PRR16: variants seen among roughly 807,000 people sequenced by gnomAD.
PRR16 encodes proline rich 16, also known as protein Largen.
A neutral mutation model predicts 18.2 loss-of-function variants in PRR16; 6 were observed. The observed-to-expected ratio is 0.33, with a 90% CI of 0.18 to 0.65. PRR16 has a LOEUF of 0.65. PRR16 is among the 30% of genes least tolerant of loss of function. The pLI is 0.74. For missense variants in PRR16, 412 were observed against 376.6 expected (o/e 1.09, Z -0.78); for synonymous variants, 151 against 147.8 (o/e 1.02, Z -0.16).
the PRR16 span, among the ~76,000 whole-genome samples, chr5:120,726,263 G>T: frequency 6.6e-6 from 1 of 152,002 alleles, no homozygotes; most frequent in African/African-American, 2.4e-5. Flanking sequence ...GATTCAAACA[G>T]CAGTAGTAAT....
intron 1 of PRR16, among the ~76,000 whole-genome samples, chr5:120,659,960 G>T (rs1317573659): frequency 2.0e-5 from 3 of 152,002 alleles, no homozygotes; most frequent in Non-Finnish European, 4.4e-5. Context: ...CCAACCCAGA[G>T]CCCCAGTACT....
At chr5:120,716,754 C>T in the PRR16 span, among the ~76,000 whole-genome samples, 1 of 152,078 alleles carries the variant, frequency 6.6e-6, no homozygotes, top group Non-Finnish European at 1.5e-5. Flanking sequence ...CGCTTATAAT[C>T]CCAGCTACTC....
chr5:120,754,562 T>C, the PRR16 span, among the ~76,000 whole-genome samples: 1 of 62,960 alleles, frequency 1.6e-5, no homozygotes, highest in South Asian at 4.9e-4. Context: ...ATATATATTA[T>C]ATAATATATT....
At chr5:120,781,701 A>G in the PRR16 span, among the ~76,000 whole-genome samples, 32 of 142,100 alleles carry the variant, frequency 2.3e-4, no homozygotes, top group South Asian at 2.9e-3. Context: ...GTCAATATAC[A>G]TATGTGAAAA....
chr5:120,595,649 T>G (rs958088899), intron 1 of PRR16, among the ~76,000 whole-genome samples: 1 of 151,956 alleles, frequency 6.6e-6, no homozygotes, highest in Non-Finnish European at 1.5e-5. Flanking sequence ...TTGCCTGTGA[T>G]AAACCTGCAC....
At position 120,616,035 on chromosome 5, in the gene PRR16, C is replaced by T. The variant is rs1489174072; in HGVS notation, c.160-69919C>T. Among the ~76,000 whole-genome samples, 9 of 152,270 alleles carry T rather than the reference C, an allele frequency of 5.9e-5. No homozygotes were observed. The South Asian group carries it at 1.2e-3, about 21-fold the overall frequency. ...AGAAGCAGCAAGAAGCTGAGAATAA[C>T]GTGCCCTTTCTCAACCCCCACCCCA... On this transcript the variant is annotated intron_variant, in intron 1 of 1. Coordinates refer to ENST00000407149, the MANE Select transcript of PRR16 (RefSeq NM_001300783.2).
chr5:120,716,879 CA>C, the PRR16 span, among the ~76,000 whole-genome samples: 1 of 151,470 alleles, frequency 6.6e-6, no homozygotes, highest in Non-Finnish European at 1.5e-5. Flanking sequence ...CTCAAAAAAA[CA>C]AAACAAAATA....
chr5:120,504,753 C>T (rs1464122862), intron 1 of PRR16, among the ~76,000 whole-genome samples: 5 of 152,140 alleles, frequency 3.3e-5, no homozygotes, highest in East Asian at 3.9e-4. Context: ...AGCCAAGACT[C>T]TTAAAGGTAT....
In PRR16 at chr5:120,494,202, G is replaced by A. The variant is rs150144366; in HGVS notation, c.159+29557G>A. On this transcript the variant is annotated intron_variant, in intron 1 of 1. Transcript: ENST00000407149. ...TGCTTCCTCACCAGCATTTGATATC[G>A]TCACTACTTTTTTCTAGTTATTCTG... Among the ~76,000 whole-genome samples the A allele has an allele frequency of 7.0e-3, 1,070 of 152,148 alleles. 13 individuals carry two copies. Among genetic ancestry groups the A allele is most frequent in the African/African-American group, 0.025 (1,019 of 41,528 alleles).
chr5:120,691,183 T>C (rs1757204367), downstream of PRR16, among the ~76,000 whole-genome samples: 1 of 152,208 alleles, frequency 6.6e-6, no homozygotes, highest in Non-Finnish European at 1.5e-5. Context: ...CATTTTGTGC[T>C]GCCAGCACGA....
At chr5:120,735,002 T>G in the PRR16 span, among the ~76,000 whole-genome samples, 1 of 152,200 alleles carries the variant, frequency 6.6e-6, no homozygotes, top group Non-Finnish European at 1.5e-5. Flanking sequence ...CTATGGCCAT[T>G]GAATACCAGG....
At chr5:120,755,053 AG>A in the PRR16 span, among the ~76,000 whole-genome samples, 1 of 70,042 alleles carries the variant, frequency 1.4e-5, no homozygotes, top group Non-Finnish European at 3.0e-5. Flanking sequence ...TCATTTTGGG[AG>A]GGGGGAGGGT....
At chr5:120,605,606 G>A (rs557831226) in intron 1 of PRR16, among the ~76,000 whole-genome samples, 48 of 152,322 alleles carry the variant, frequency 3.2e-4, no homozygotes, top group African/African-American at 9.9e-4. Context: ...TTTTAGAGTT[G>A]TCAGAATCAT....
At chr5:120,687,993 T>C (rs1385973269), downstream of PRR16, among the ~76,000 whole-genome samples, 51 of 152,208 alleles carry the variant, frequency 3.4e-4, no homozygotes, top group Admixed American at 3.3e-3. Context: ...ATTGGTTCAT[T>C]AGTGGTAAGA....
intron 1 of PRR16, among the ~76,000 whole-genome samples, chr5:120,529,017 A>T (rs73784579): frequency 0.023 from 3,461 of 151,876 alleles, 61 homozygotes; most frequent in African/African-American, 0.049. Context: ...TAATTAAATC[A>T]TTTTTTTTAT....
At chr5:120,782,017 T>C in the PRR16 span, among the ~76,000 whole-genome samples, 1 of 152,170 alleles carries the variant, frequency 6.6e-6, no homozygotes, top group Non-Finnish European at 1.5e-5. Context: ...ATATAAATAG[T>C]TCAAGGCATT....
At chr5:120,653,452 T>C (rs1402111300) in intron 1 of PRR16, among the ~76,000 whole-genome samples, 1 of 152,084 alleles carries the variant, frequency 6.6e-6, no homozygotes, top group Admixed American at 6.6e-5. Context: ...ATAAGTGTTA[T>C]ATTGGTATAT....
chr5:120,609,104 T>C (rs1754251086), intron 1 of PRR16, among the ~76,000 whole-genome samples: 1 of 152,148 alleles, frequency 6.6e-6, no homozygotes, highest in African/African-American at 2.4e-5. Flanking sequence ...TCAACAACTT[T>C]ATTCAGATAT....
Position 120,467,702 on chromosome 5 carries a change from C to T in PRR16, c.159+3057C>T, listed in dbSNP as rs139926027. On this transcript the variant is annotated intron_variant, in intron 1 of 1. Coordinates refer to ENST00000407149, the MANE Select transcript of PRR16 (RefSeq NM_001300783.2). ...TTTTATGATTATTTAGTTATAATTACTTAATCAGTTATAATTGGATTATAT... is the reference window on the plus strand; with the variant it reads ...TTTTATGATTATTTAGTTATAATTATTTAATCAGTTATAATTGGATTATAT... 3.1e-3 allele frequency among the ~76,000 whole-genome samples: 469 copies of T among 152,178 alleles called. 4 individuals carry two copies. Among genetic ancestry groups the T allele is most frequent in the African/African-American group, 0.011 (453 of 41,536 alleles).
Sources: gnomAD v4.1 joint callset for allele counts (sites outside exome capture counted in the v4.1 genomes callset) on GRCh38, gnomAD v4.1.1 for gene constraint, MANE v1.5 for transcripts, NCBI Gene and HGNC (gene_info 2026-07-23, HGNC 2026-07-21) for gene names.